Variants in C1orf87 observed in about 807,000 individuals in gnomAD.
C1orf87 encodes the protein uncharacterized protein C1orf87.
In C1orf87, 58 loss-of-function variants were observed where a neutral mutation model predicts 60.5. The observed-to-expected ratio is 0.96, with a 90% CI of 0.78 to 1.19. The LOEUF (loss-of-function observed/expected upper bound fraction) is 1.19. C1orf87 is among the 50% of genes most tolerant of loss of function. The probability of loss-of-function intolerance (pLI) is 0.00; values close to 1 mark genes in which losing one functional copy is unlikely to be tolerated. For synonymous variants in C1orf87, 236 were observed against 227.4 expected, an observed-to-expected ratio of 1.04 and a Z score of -0.34; for missense variants, 673 against 638.6, an observed-to-expected ratio of 1.05 and a Z score of -0.58.
At chr1:60,008,499 G>C (rs552626881) in intron 9 of C1orf87, 104 of 230,068 alleles carry the variant, frequency 4.5e-4, no homozygotes, top group African/African-American at 2.4e-3. Context: ...GGCCTTTAAA[G>C]AGGTGATTAA....
At chr1:60,000,160 T>C (rs57905309) in intron 10 of C1orf87, among the ~76,000 whole-genome samples, 8,968 of 152,232 alleles carry the variant, frequency 0.059, 312 homozygotes, top group East Asian at 0.1. Context: ...AATGAATGAA[T>C]GATTTTCTCA....
In C1orf87 at chr1:60,055,390, T is replaced by C. The variant is rs1645447362; in HGVS notation, c.156A>G (p.Lys52=). The change falls in exon 3 of 12, where the codon AAA becomes AAG. Residue 52 remains lysine (K), a synonymous_variant. Coordinates refer to ENST00000371201, the MANE Select transcript of C1orf87 (RefSeq NM_152377.3). ...LKTETQTMHQ[K]PMTDNARQMS... Reference sequence around the variant, plus strand: ...TCTGCCTTGCATTATCAGTCATTGGTTTCTGGTGCATTGTTTGGGTTTCTG... The same window carrying C: ...TCTGCCTTGCATTATCAGTCATTGGCTTCTGGTGCATTGTTTGGGTTTCTG... 6.2e-7 allele frequency: 1 copy of C among 1,614,072 alleles called. No individual in the cohort carries two copies. The highest frequency in any genetic ancestry group is 1.3e-5 in the African/African-American group (1 of 74,928).
At chr1:60,010,293 T>A (rs1645074250) in intron 9 of C1orf87, 99 bp downstream of exon 9, 3 of 1,093,284 alleles carry the variant, frequency 2.7e-6, no homozygotes, top group Non-Finnish European at 2.7e-6. Flanking sequence ...AGAAATGAGA[T>A]GAAACCCAAC....
chr1:60,027,353 G>A (rs1398350872), intron 7 of C1orf87, among the ~76,000 whole-genome samples: 1 of 152,136 alleles, frequency 6.6e-6, no homozygotes, highest in East Asian at 1.9e-4. Flanking sequence ...CCAATCCTAA[G>A]CCTGTTTACC....
At chr1:60,009,326 C>T (rs1467676825) in intron 9 of C1orf87, among the ~76,000 whole-genome samples, 3 of 126,628 alleles carry the variant, frequency 2.4e-5, no homozygotes, top group Non-Finnish European at 5.4e-5. Context: ...AAGCTGAAAC[C>T]GGCAAGAAAG....
intron 3 of C1orf87, among the ~76,000 whole-genome samples, chr1:60,050,463 TA>T (rs1645406377): frequency 6.6e-6 from 1 of 151,464 alleles, no homozygotes; most frequent in East Asian, 1.9e-4. Context: ...TTTGTTGACA[TA>T]TATGAAGGCC....
chr1:60,043,278 C>T (rs933679648), intron 3 of C1orf87, among the ~76,000 whole-genome samples: 1 of 152,180 alleles, frequency 6.6e-6, no homozygotes, highest in Non-Finnish European at 1.5e-5. Context: ...ATGACTAGAG[C>T]AGACTTGTCC....
At chr1:60,060,896 A>G (rs1026872015) in intron 2 of C1orf87, among the ~76,000 whole-genome samples, 1 of 152,180 alleles carries the variant, frequency 6.6e-6, no homozygotes, top group African/African-American at 2.4e-5. Flanking sequence ...CTGGGAACCA[A>G]TCTTTAATGG....
At chr1:59,996,201 T>C (rs1414907042) in intron 11 of C1orf87, among the ~76,000 whole-genome samples, 1 of 152,150 alleles carries the variant, frequency 6.6e-6, no homozygotes, top group Non-Finnish European at 1.5e-5. Flanking sequence ...AAGACAGACA[T>C]TGCTATTGTC....
Position 60,059,310 on chromosome 1 carries a change from C to T in C1orf87, c.108-3872G>A, listed in dbSNP as rs77868945. Among the ~76,000 whole-genome samples the T allele has an allele frequency of 8.6e-3, 1,305 of 152,292 alleles. 13 individuals are homozygous for T. Among genetic ancestry groups the T allele is most frequent in the Non-Finnish European group, 0.014 (974 of 68,016 alleles). On this transcript the variant is annotated intron_variant, in intron 2 of 11. Transcript: ENST00000371201. ...GGGGGAAAAACGCCATCAATACTAT[C>T]TTGGAAGCAAGACACAGCTAGCTTC...
chr1:60,066,913 G>A (rs1645550868), intron 2 of C1orf87, among the ~76,000 whole-genome samples: 1 of 151,944 alleles, frequency 6.6e-6, no homozygotes. Flanking sequence ...CCACTTATAA[G>A]TGAGAACATG....
Position 60,025,419 on chromosome 1 carries a change from C to G in C1orf87, c.1109G>C (p.Gly370Ala), listed in dbSNP as rs538106871. The G allele has an allele frequency of 1.2e-6, 2 of 1,613,036 alleles. No homozygotes were observed. The highest frequency in any genetic ancestry group is 3.3e-5 in the Admixed American group (2 of 59,940). The change falls in exon 8 of 12, where the codon GGT (glycine) becomes GCT (alanine). Residue 370 changes from glycine (G) to alanine (A), a missense_variant. Gly to Ala is a moderately conservative substitution (Grantham distance 60). Transcript: ENST00000371201. Reference sequence around the variant, plus strand: ...GACTTACTTTATTTCATTTTGGTAACCCAAATCTTGATGGTTAAGCAATGT... The same window carrying G: ...GACTTACTTTATTTCATTTTGGTAAGCCAAATCTTGATGGTTAAGCAATGT... ...LETLLNHQDL[G>A]YQNEIKWQNF...
At chr1:60,028,004 G>C (rs1399031912) in intron 7 of C1orf87, among the ~76,000 whole-genome samples, 1 of 152,090 alleles carries the variant, frequency 6.6e-6, no homozygotes, top group East Asian at 1.9e-4. Flanking sequence ...CCATTGGCTA[G>C]CAGAGTATTG....
chr1:60,065,059 A>C (rs1645535686), intron 2 of C1orf87, among the ~76,000 whole-genome samples: 2 of 113,474 alleles, frequency 1.8e-5, no homozygotes, highest in Admixed American at 1.2e-4. Context: ...TATAAAATAT[A>C]TATTATTTAT....
intron 8 of C1orf87, among the ~76,000 whole-genome samples, chr1:60,016,962 T>C (rs1039280555): frequency 6.6e-5 from 10 of 152,236 alleles, no homozygotes; most frequent in Non-Finnish European, 1.5e-4. Context: ...CTGAATTTCA[T>C]GGGACTTGTA....
At chr1:60,042,117 A>G (rs1574317124) in intron 3 of C1orf87, among the ~76,000 whole-genome samples, 2 of 152,230 alleles carry the variant, frequency 1.3e-5, no homozygotes, top group East Asian at 3.8e-4. Context: ...CTCTTGGGAA[A>G]TGAAAGCAAT....
At chr1:60,060,450 G>A (rs1645487802) in intron 2 of C1orf87, among the ~76,000 whole-genome samples, 1 of 152,084 alleles carries the variant, frequency 6.6e-6, no homozygotes, top group Admixed American at 6.6e-5. Context: ...AACTTAAAGT[G>A]CTAGCTCCTT....
chr1:60,049,086 C>T (rs950092232), intron 3 of C1orf87, among the ~76,000 whole-genome samples: 4 of 151,912 alleles, frequency 2.6e-5, no homozygotes, highest in Admixed American at 6.6e-5. Flanking sequence ...TCAAGTACAT[C>T]TTTGGGATAG....
chr1:60,071,262 T>C (rs1176362449), intron 2 of C1orf87, among the ~76,000 whole-genome samples: 1 of 152,240 alleles, frequency 6.6e-6, no homozygotes, highest in Non-Finnish European at 1.5e-5. Context: ...TTATTTATAA[T>C]AGACACTGGA....
Sources: allele counts gnomAD v4.1 joint callset (sites outside exome capture counted in the v4.1 genomes callset), GRCh38; gene constraint gnomAD v4.1.1; transcripts MANE v1.5; gene names NCBI Gene and HGNC (gene_info 2026-07-23, HGNC 2026-07-21).